SUSD5: variants seen among roughly 807,000 people sequenced by gnomAD.
SUSD5 encodes sushi domain containing 5.
In SUSD5, 33 loss-of-function variants were observed where a neutral mutation model predicts 29.5. That is an observed-to-expected ratio of 1.12 (90% confidence interval 0.85 to 1.49). SUSD5 has a LOEUF of 1.49. Among genes scored for constraint, SUSD5 ranks in the 40% most tolerant of loss-of-function variants. The pLI is 0.00. For synonymous variants in SUSD5, 308 were observed against 325.3 expected, an observed-to-expected ratio of 0.95 and a Z score of 0.57; for missense variants, 776 against 800.6, an observed-to-expected ratio of 0.97 and a Z score of 0.37.
chr3:33,212,944 T>C (rs2032348296), intron 2 of SUSD5, among the ~76,000 whole-genome samples: 1 of 152,188 alleles, frequency 6.6e-6, no homozygotes, highest in African/African-American at 2.4e-5. Context: ...TTCCTATACA[T>C]ATACATGCAG....
At chr3:33,155,967 C>A (rs760279720) in intron 4 of SUSD5, among the ~76,000 whole-genome samples, 5 of 151,976 alleles carry the variant, frequency 3.3e-5, no homozygotes, top group Non-Finnish European at 5.9e-5. Flanking sequence ...GCCTAAATAT[C>A]AGTGTTTATT....
chr3:33,183,037 C>T (rs151335952), intron 3 of SUSD5, among the ~76,000 whole-genome samples: 2,349 of 152,214 alleles, frequency 0.015, 54 homozygotes, highest in African/African-American at 0.052. Context: ...CCTCGTGATC[C>T]ACCCGCCTTG....
At chr3:33,214,992 C>T (rs2032400653) in intron 1 of SUSD5, among the ~76,000 whole-genome samples, 1 of 151,872 alleles carries the variant, frequency 6.6e-6, no homozygotes, top group Admixed American at 6.6e-5. Context: ...AACTAAGACA[C>T]AAGTCATCTG....
At chr3:33,165,469 A>G (rs1463035850) in intron 4 of SUSD5, among the ~76,000 whole-genome samples, 1 of 152,152 alleles carries the variant, frequency 6.6e-6, no homozygotes, top group Non-Finnish European at 1.5e-5. Context: ...TAATTCACTG[A>G]ACTCTATAAT....
At chr3:33,197,762 T>C (rs755620254) in intron 3 of SUSD5, among the ~76,000 whole-genome samples, 3 of 152,202 alleles carry the variant, frequency 2.0e-5, no homozygotes, top group Non-Finnish European at 4.4e-5. Context: ...TTTAGCTTAA[T>C]ATATAGAGAT....
intron 3 of SUSD5, among the ~76,000 whole-genome samples, chr3:33,207,247 A>G (rs963622146): frequency 6.6e-6 from 1 of 152,156 alleles, no homozygotes; most frequent in African/African-American, 2.4e-5. Flanking sequence ...GAGAGACTGG[A>G]GGGCAAGCTT....
intron 3 of SUSD5, among the ~76,000 whole-genome samples, chr3:33,184,783 G>T (rs930306702): frequency 3.9e-5 from 6 of 152,044 alleles, no homozygotes; most frequent in African/African-American, 1.4e-4. Flanking sequence ...CCTCTCTGTT[G>T]CTATTACCCA....
chr3:33,190,596 A>G (rs556094027), intron 3 of SUSD5, among the ~76,000 whole-genome samples: 12 of 152,322 alleles, frequency 7.9e-5, no homozygotes, highest in Admixed American at 2.0e-4. Context: ...CTAAATAATG[A>G]ACATTGTAAC....
intron 4 of SUSD5, among the ~76,000 whole-genome samples, chr3:33,165,275 T>G (rs2031281310): frequency 6.6e-6 from 1 of 152,120 alleles, no homozygotes; most frequent in South Asian, 2.1e-4. Context: ...GAGTACATAA[T>G]GTATGCTTCC....
chr3:33,162,124 T>C (rs1189100478), intron 4 of SUSD5, among the ~76,000 whole-genome samples: 2 of 152,210 alleles, frequency 1.3e-5, no homozygotes, highest in East Asian at 1.9e-4. Context: ...TTTCTGGTCA[T>C]AGTGAGATTA....
At chr3:33,202,027 T>TCTAA (rs1223277238) in intron 3 of SUSD5, among the ~76,000 whole-genome samples, 3 of 133,358 alleles carry the variant, frequency 2.2e-5, no homozygotes, top group African/African-American at 9.6e-5. Context: ...GGAGAAGTTA[T>TCTAA]CTATCTATCT....
Position 33,213,773 on chromosome 3 carries a change from C to CAAACAAAACAAAACAAAACAAAACA in SUSD5, c.290+130_290+154dup, listed in dbSNP as rs577823372. Among the ~76,000 whole-genome samples, 528 of 152,016 alleles carry CAAACAAAACAAAACAAAACAAAACA rather than the reference C, an allele frequency of 3.5e-3. 3 individuals are homozygous for CAAACAAAACAAAACAAAACAAAACA. Among genetic ancestry groups the CAAACAAAACAAAACAAAACAAAACA allele is most frequent in the African/African-American group, 0.012 (504 of 41,316 alleles). ...TGGGCAACAGAGCTAGACTCCATCT[C>CAAACAAAACAAAACAAAACAAAACA]AAACAAAACAAAACAAAACAAAACA... is the stretch of plus-strand genomic sequence containing the variant. On this transcript the variant is annotated intron_variant, in intron 2 of 4. Transcript: ENST00000309558.
intron 4 of SUSD5, among the ~76,000 whole-genome samples, chr3:33,172,046 C>T (rs947632778): frequency 6.6e-6 from 1 of 152,094 alleles, no homozygotes; most frequent in African/African-American, 2.4e-5. Flanking sequence ...GATCAATGTC[C>T]AATCAGCCAG....
chr3:33,213,068 A>G (rs1255181882), intron 2 of SUSD5, among the ~76,000 whole-genome samples: 1 of 152,202 alleles, frequency 6.6e-6, no homozygotes, highest in Non-Finnish European at 1.5e-5. Context: ...ATATATATGC[A>G]TTATTTGAAA....
intron 3 of SUSD5, among the ~76,000 whole-genome samples, chr3:33,201,307 C>T (rs542498479): frequency 3.3e-5 from 5 of 152,334 alleles, no homozygotes; most frequent in Admixed American, 6.5e-5. Context: ...CTCCTCCTCA[C>T]ATTTACCACA....
intron 3 of SUSD5, among the ~76,000 whole-genome samples, chr3:33,189,490 A>AAAAG (rs1245592126): frequency 6.6e-6 from 1 of 151,658 alleles, no homozygotes; most frequent in East Asian, 1.9e-4. Flanking sequence ...AAAAAAAAAA[A>AAAAG]AAAAAAAAAA....
rs528382185 is a variant in SUSD5 at position 33,163,048 on chromosome 3, G to GA, written c.599-9016dup. Among the ~76,000 whole-genome samples the GA allele has an allele frequency of 6.1e-3, 931 of 151,866 alleles. 15 individuals are homozygous for GA. The highest frequency in any genetic ancestry group is 5.0e-3 in the African/African-American group (209 of 41,438). ...AATTTTATATACCATTAACAAAACTGAATCTCTCCACACACACAAAACTCT... is the reference window on the plus strand; with the variant it reads ...AATTTTATATACCATTAACAAAACTGAAATCTCTCCACACACACAAAACTCT... On this transcript the variant is annotated intron_variant, in intron 4 of 4. Coordinates refer to ENST00000309558, the MANE Select transcript of SUSD5 (RefSeq NM_015551.2).
intron 3 of SUSD5, among the ~76,000 whole-genome samples, chr3:33,192,250 T>C (rs199600440): frequency 0.31 from 39,157 of 126,498 alleles, 5,758 homozygotes; most frequent in East Asian, 0.51. Context: ...ATTTTTTTTC[T>C]TTTTTTTTTT....
intron 3 of SUSD5, among the ~76,000 whole-genome samples, chr3:33,199,563 A>G (rs6773943): frequency 0.29 from 44,177 of 152,194 alleles, 7,090 homozygotes; most frequent in Non-Finnish European, 0.36. Flanking sequence ...GTGAGCCACC[A>G]CGCCCAACCA....
Sources: allele counts gnomAD v4.1 joint callset (sites outside exome capture counted in the v4.1 genomes callset), GRCh38; gene constraint gnomAD v4.1.1; transcripts MANE v1.5; gene names NCBI Gene and HGNC (gene_info 2026-07-23, HGNC 2026-07-21).